Variants in SLC24A2 observed in about 807,000 individuals in gnomAD.
The protein encoded by SLC24A2 is solute carrier family 24 member 2, also known as sodium/potassium/calcium exchanger 2.
Under a neutral mutation model 62.0 loss-of-function variants are expected in SLC24A2, and 36 were observed. The observed-to-expected ratio is 0.58, with a 90% CI of 0.44 to 0.77. SLC24A2 has a LOEUF of 0.77. Among genes scored for constraint, SLC24A2 ranks in the 30% least tolerant of loss-of-function variants. The pLI, the probability that SLC24A2 is intolerant of heterozygous loss-of-function variation, is 0.00. For missense variants in SLC24A2, 846 were observed against 817.9 expected, an observed-to-expected ratio of 1.03 and a Z score of -0.42; for synonymous variants, 358 against 294.0, an observed-to-expected ratio of 1.22 and a Z score of -2.23.
the SLC24A2 span, among the ~76,000 whole-genome samples, chr9:19,999,968 C>G: frequency 6.6e-6 from 1 of 152,172 alleles, no homozygotes; most frequent in Non-Finnish European, 1.5e-5. Flanking sequence ...ATGTTCAAGA[C>G]AGTGTGGAGA....
chr9:20,178,349 G>A, the SLC24A2 span, among the ~76,000 whole-genome samples: 1 of 152,126 alleles, frequency 6.6e-6, no homozygotes, highest in Non-Finnish European at 1.5e-5. Context: ...TGCCTCCCCA[G>A]TGCAGTGTGC....
chr9:19,761,273 C>T (rs1216871998), intron 2 of SLC24A2, among the ~76,000 whole-genome samples: 2 of 152,004 alleles, frequency 1.3e-5, no homozygotes, highest in Non-Finnish European at 2.9e-5. Context: ...TACACTCCCA[C>T]CAACAGTGTA....
chr9:20,031,351 TTATATA>T, the SLC24A2 span, among the ~76,000 whole-genome samples: 32,489 of 141,452 alleles, frequency 0.23, 4,919 homozygotes, highest in East Asian at 0.62. Flanking sequence ...TACACACACT[TTATATA>T]TATATATATA....
the SLC24A2 span, among the ~76,000 whole-genome samples, chr9:20,077,590 C>T: frequency 6.8e-6 from 1 of 147,588 alleles, no homozygotes; most frequent in Non-Finnish European, 1.5e-5. Flanking sequence ...CCCCAGCTTT[C>T]TGGGGAGCTA....
the SLC24A2 span, among the ~76,000 whole-genome samples, chr9:20,290,143 C>T: frequency 8.5e-5 from 13 of 152,314 alleles, no homozygotes; most frequent in Admixed American, 3.3e-4. Context: ...TAGCTATTCT[C>T]TGCTGAAAAC....
the SLC24A2 span, among the ~76,000 whole-genome samples, chr9:19,966,929 G>GA: frequency 6.6e-6 from 1 of 152,104 alleles, no homozygotes; most frequent in Non-Finnish European, 1.5e-5. Flanking sequence ...ATTACTGTGA[G>GA]ACCAATTTTT....
chr9:20,075,823 T>C, the SLC24A2 span, among the ~76,000 whole-genome samples: 1 of 152,154 alleles, frequency 6.6e-6, no homozygotes, highest in Non-Finnish European at 1.5e-5. Flanking sequence ...TGTTGTAAAA[T>C]TAATACAGTC....
the SLC24A2 span, among the ~76,000 whole-genome samples, chr9:20,229,558 G>A: frequency 1.3e-5 from 2 of 151,968 alleles, no homozygotes; most frequent in African/African-American, 4.8e-5. Flanking sequence ...GCAAGGGCCT[G>A]GGGATACAAA....
chr9:19,729,146 T>C (rs960991188), intron 2 of SLC24A2, among the ~76,000 whole-genome samples: 6 of 152,112 alleles, frequency 3.9e-5, no homozygotes, highest in Non-Finnish European at 8.8e-5. Flanking sequence ...ATGCTCCACA[T>C]CACTGATCAG....
At chr9:20,249,533 C>T in the SLC24A2 span, among the ~76,000 whole-genome samples, 4 of 151,838 alleles carry the variant, frequency 2.6e-5, no homozygotes, top group Non-Finnish European at 5.9e-5. Flanking sequence ...GATGAAACTC[C>T]ATCTCTATTA....
the SLC24A2 span, among the ~76,000 whole-genome samples, chr9:20,097,740 T>C: frequency 1.2e-5 from 1 of 84,742 alleles, no homozygotes; most frequent in East Asian, 3.0e-4. Context: ...TTTTTTTTTT[T>C]TTTTTTTTTT....
chr9:19,559,367 T>C (rs963901004), intron 7 of SLC24A2, among the ~76,000 whole-genome samples: 1 of 152,202 alleles, frequency 6.6e-6, no homozygotes, highest in African/African-American at 2.4e-5. Context: ...TCTCAGGCAA[T>C]GTGAATAAAT....
chr9:19,949,608 C>A, the SLC24A2 span, among the ~76,000 whole-genome samples: 3 of 152,298 alleles, frequency 2.0e-5, no homozygotes, highest in South Asian at 6.2e-4. Context: ...CATTTCCCAG[C>A]CTTCCTTGCA....
intron 2 of SLC24A2, among the ~76,000 whole-genome samples, chr9:19,761,568 G>A (rs1189244318): frequency 6.6e-6 from 1 of 151,814 alleles, no homozygotes; most frequent in Non-Finnish European, 1.5e-5. Context: ...TGCCATGTTG[G>A]TGTGCTGCAC....
intron 2 of SLC24A2, among the ~76,000 whole-genome samples, chr9:19,703,109 G>C (rs1019287967): frequency 6.6e-6 from 1 of 152,126 alleles, no homozygotes; most frequent in African/African-American, 2.4e-5. Context: ...GAGAAAGAGA[G>C]AGAGAGATAC....
the SLC24A2 span, among the ~76,000 whole-genome samples, chr9:19,850,839 A>C: frequency 6.8e-6 from 1 of 147,678 alleles, no homozygotes; most frequent in African/African-American, 2.5e-5. Flanking sequence ...TGGATATGTC[A>C]CCTTATGTTT....
At chr9:19,921,734 A>C in the SLC24A2 span, among the ~76,000 whole-genome samples, 1 of 152,090 alleles carries the variant, frequency 6.6e-6, no homozygotes, top group South Asian at 2.1e-4. Flanking sequence ...GAGAGAACAC[A>C]ATGTCTAACC....
At chr9:20,260,842 A>ATTTTTTT in the SLC24A2 span, among the ~76,000 whole-genome samples, 1 of 124,958 alleles carries the variant, frequency 8.0e-6, no homozygotes, top group Non-Finnish European at 1.6e-5. Flanking sequence ...CCAACGTATC[A>ATTTTTTT]TTCTTTCTTT....
the SLC24A2 span, among the ~76,000 whole-genome samples, chr9:20,139,937 C>A: frequency 6.6e-6 from 1 of 152,224 alleles, no homozygotes; most frequent in Non-Finnish European, 1.5e-5. Context: ...GCCCCTTTTG[C>A]ATGGAAACAG....
Sources: allele counts gnomAD v4.1 joint callset (sites outside exome capture counted in the v4.1 genomes callset), GRCh38; gene constraint gnomAD v4.1.1; transcripts MANE v1.5; gene names NCBI Gene and HGNC (gene_info 2026-07-23, HGNC 2026-07-21).